The following THOC7 variants were observed in gnomAD, a reference collection of about 807,000 sequenced individuals.
THOC7 encodes NIF3L1-binding protein 1.
In THOC7, 22 loss-of-function variants were observed where a neutral mutation model predicts 33.1. The ratio of observed to expected loss-of-function variants is 0.66; its 90% CI spans 0.47 to 0.95. The LOEUF is 0.95. Among genes scored for constraint, THOC7 ranks in the 40% least tolerant of loss-of-function variants. The pLI is 0.00. For synonymous variants in THOC7, 77 were observed against 76.8 expected (o/e 1.00, Z -0.01); for missense variants, 184 against 245.3 (o/e 0.75, Z 1.67).
chr3:63,839,953 AGTTT>A (rs1239070792), intron 1 of THOC7, among the ~76,000 whole-genome samples, 180 bp from the exon 2 acceptor site: 1 of 152,214 alleles, frequency 6.6e-6, no homozygotes, highest in Admixed American at 6.5e-5. Flanking sequence ...TGTTATGCAT[AGTTT>A]ATGTTATTGT....
At chr3:63,845,132 T>A in intron 1 of THOC7, 1 of 662,242 alleles carries the variant, frequency 1.5e-6, no homozygotes, top group Admixed American at 2.3e-5. Context: ...CTCCTTCATG[T>A]AGCCCTGAGG....
chr3:63,862,081 G>C (rs1266135464), intron 1 of THOC7, among the ~76,000 whole-genome samples: 2 of 152,076 alleles, frequency 1.3e-5, no homozygotes, highest in Admixed American at 1.3e-4. Context: ...GTGAGCCACT[G>C]TGCCCGGCAT....
At chr3:63,834,272 C>G in intron 7 of THOC7, 73 bp from the exon 8 acceptor site, 2 of 1,432,970 alleles carry the variant, frequency 1.4e-6, no homozygotes, top group African/African-American at 1.4e-5. Flanking sequence ...CACATGAAAA[C>G]ATGTTTATCC....
intron 1 of THOC7, among the ~76,000 whole-genome samples, chr3:63,855,818 G>A (rs563162462): frequency 6.6e-6 from 1 of 152,270 alleles, no homozygotes; most frequent in South Asian, 2.1e-4. Flanking sequence ...CTACCAGTGA[G>A]GATTAGCATT....
At chr3:63,850,261 T>C (rs970033506) in intron 1 of THOC7, among the ~76,000 whole-genome samples, 2 of 152,060 alleles carry the variant, frequency 1.3e-5, no homozygotes, top group African/African-American at 4.8e-5. Flanking sequence ...AGTGCGGTGG[T>C]GTGATCTCGG....
chr3:63,840,373 CT>C (rs1351647343), intron 1 of THOC7, among the ~76,000 whole-genome samples: 1 of 152,040 alleles, frequency 6.6e-6, no homozygotes, highest in African/African-American at 2.4e-5. Flanking sequence ...GGGAGTATCA[CT>C]TGAGCCCAGG....
rs532893465 is a variant in THOC7 at position 63,846,287 on chromosome 3, G to A, written c.20-6514C>T. 1,153 of 419,558 alleles carry A rather than the reference G, an allele frequency of 2.7e-3. 12 individuals are homozygous for A. The highest frequency in any genetic ancestry group is 0.012 in the South Asian group (698 of 58,394). The allele number at this position is 419,558 out of a possible 1,614,324, so 26.0% of individuals were successfully genotyped here. On this transcript the variant is annotated intron_variant, in intron 1 of 7. Transcript: ENST00000295899. ...AAAAATCAGGAGATAATCCCCAAGC[G>A]ACTTGCACTCCCTGGACAAAAATGG...
chr3:63,835,737 A>G (rs58274003), intron 5 of THOC7, among the ~76,000 whole-genome samples: 3,958 of 152,164 alleles, frequency 0.026, 163 homozygotes, highest in African/African-American at 0.089. Context: ...TTAACTCGAA[A>G]TACCCTTTGA....
chr3:63,847,215 C>T (rs550795554), intron 1 of THOC7, among the ~76,000 whole-genome samples: 37 of 152,138 alleles, frequency 2.4e-4, no homozygotes, highest in Non-Finnish European at 4.3e-4. Context: ...TCCTATAAAT[C>T]TGGTATGTAT....
chr3:63,861,780 T>C (rs975255511), intron 1 of THOC7: 1 of 139,698 alleles, frequency 7.2e-6, no homozygotes. Context: ...AGACAGTGTG[T>C]ATGTGTGTGT....
chr3:63,863,725 CCAGCGGGCCGTG>C (rs1274009175), intron 1 of THOC7, 35 bp downstream of exon 1: 19 of 1,248,842 alleles, frequency 1.5e-5, no homozygotes, highest in South Asian at 3.7e-5. Context: ...CAGGGGAGGC[CCAGCGGGCCGTG>C]CAGCGGGCGC....
At chr3:63,856,943 C>T (rs184888582) in intron 1 of THOC7, among the ~76,000 whole-genome samples, 3 of 152,284 alleles carry the variant, frequency 2.0e-5, no homozygotes, top group East Asian at 3.9e-4. Context: ...TGGTCTTGAA[C>T]GCCTGACCTC....
At chr3:63,853,181 C>T (rs1471057878) in intron 1 of THOC7, among the ~76,000 whole-genome samples, 5 of 148,312 alleles carry the variant, frequency 3.4e-5, no homozygotes, top group Admixed American at 3.4e-4. Flanking sequence ...AAAAAAGAAT[C>T]ACAGGTCCTA....
At chr3:63,857,966 G>A in intron 1 of THOC7, among the ~76,000 whole-genome samples, 1 of 152,028 alleles carries the variant, frequency 6.6e-6, no homozygotes, top group Admixed American at 6.6e-5. Context: ...TCCCTGTGTT[G>A]GGGCCACAGA....
At chr3:63,839,521 A>G in intron 2 of THOC7, 135 bp downstream of exon 2, 1 of 768,718 alleles carries the variant, frequency 1.3e-6, no homozygotes, top group Non-Finnish European at 2.2e-6. Flanking sequence ...AAGAAAATCT[A>G]CTCTTGGTTA....
chr3:63,840,144 CA>C, intron 1 of THOC7, among the ~76,000 whole-genome samples: 1 of 152,126 alleles, frequency 6.6e-6, no homozygotes. Flanking sequence ...GGAAATAAGC[CA>C]ATAATTCATA....
chr3:63,845,114 G>A (rs1321428113), intron 1 of THOC7: 12 of 681,014 alleles, frequency 1.8e-5, no homozygotes, highest in Non-Finnish European at 2.9e-5. Context: ...GGGGGTGGGG[G>A]GTACTATCTC....
In THOC7 at chr3:63,839,762, G is replaced by T. The variant is rs779216036; in HGVS notation, c.31C>A (p.Arg11=). 2 of 1,613,234 alleles carry T rather than the reference G, an allele frequency of 1.2e-6. No individual in the cohort carries two copies. Among genetic ancestry groups the T allele is most frequent in the Non-Finnish European group, 1.7e-6 (2 of 1,179,848 alleles). Residue 11 remains arginine, a synonymous_variant, in exon 2 of 8, where the codon CGG becomes AGG. Transcript: ENST00000295899. ...TCTCCATCAATGAGGAGACGCTTCC[G>T]TATAACTTCGTCTGCAGGAAAGAAG... The part of the protein sequence containing the change: MGAVTDDEVI[R]KRLLIDGDGA...
upstream of THOC7, chr3:63,863,807 G>A: frequency 5.0e-6 from 6 of 1,202,898 alleles, no homozygotes; most frequent in Non-Finnish European, 6.2e-6. Flanking sequence ...CGCGGCGGCG[G>A]CGGCGGCGGC....
Sources: allele counts gnomAD v4.1 joint callset (sites outside exome capture counted in the v4.1 genomes callset), GRCh38; gene constraint gnomAD v4.1.1; transcripts MANE v1.5; gene names NCBI Gene and HGNC (gene_info 2026-07-23, HGNC 2026-07-21).